The following BIRC6 variants were observed in gnomAD, a reference collection of about 807,000 sequenced individuals.
BIRC6 encodes baculoviral IAP repeat containing 6.
A neutral mutation model predicts 503.3 loss-of-function variants in BIRC6; 98 were observed. The ratio of observed to expected loss-of-function variants is 0.19; its 90% CI spans 0.17 to 0.23. The LOEUF is 0.23. Among genes scored for constraint, BIRC6 ranks in the 10% least tolerant of loss-of-function variants. The probability of loss-of-function intolerance (pLI) is 1.00; values close to 1 mark genes in which losing one functional copy is unlikely to be tolerated. For synonymous variants in BIRC6, 2,240 were observed against 2,078.7 expected, an observed-to-expected ratio of 1.08 and a Z score of -2.11; for missense variants, 5,360 against 5,806.0, an observed-to-expected ratio of 0.92 and a Z score of 2.50.
chr2:32,617,989 T>G lies in BIRC6; in HGVS notation c.*85T>G. On this transcript the variant is annotated 3_prime_UTR_variant, in exon 74 of 74. Coordinates refer to ENST00000421745, the MANE Select transcript of BIRC6 (RefSeq NM_016252.4). ...ATATTTGTATGTAAGAAACTAATTA[T>G]GTAATAGGTAATGAAACTGAAACTA... is the stretch of plus-strand genomic sequence containing the variant. 4 of 1,300,632 alleles carry G rather than the reference T, an allele frequency of 3.1e-6. No homozygotes were observed. Among genetic ancestry groups the G allele is most frequent in the Non-Finnish European group, 4.2e-6 (4 of 951,460 alleles). 80.6% of individuals were successfully genotyped at this position (1,300,632 alleles called of 1,614,324 possible).
intron 6 of BIRC6, among the ~76,000 whole-genome samples, chr2:32,400,489 C>T (rs370533470): frequency 1.3e-5 from 2 of 151,840 alleles, no homozygotes; most frequent in African/African-American, 4.8e-5. Context: ...CGGGCGCCCA[C>T]CACCATGCCC....
chr2:32,452,093 G>T (rs1187272074), intron 22 of BIRC6, among the ~76,000 whole-genome samples: 4 of 152,144 alleles, frequency 2.6e-5, no homozygotes. Context: ...ATTACCACTT[G>T]TCAAGTTTTT....
At chr2:32,390,357 A>G (rs953979904) in intron 4 of BIRC6, among the ~76,000 whole-genome samples, 1 of 152,038 alleles carries the variant, frequency 6.6e-6, no homozygotes, top group African/African-American at 2.4e-5. Context: ...TTTTTAGTAC[A>G]GGTGGGGTTT....
intron 62 of BIRC6, among the ~76,000 whole-genome samples, chr2:32,545,307 C>T (rs2057980238): frequency 6.6e-6 from 1 of 152,160 alleles, no homozygotes; most frequent in East Asian, 1.9e-4. Flanking sequence ...TACTTTCTTA[C>T]TGTTGTAAGA....
At chr2:32,372,279 G>T (rs537343412) in intron 1 of BIRC6, among the ~76,000 whole-genome samples, 2 of 152,180 alleles carry the variant, frequency 1.3e-5, no homozygotes, top group East Asian at 3.9e-4. Context: ...ATTCCCTGTG[G>T]TATCACTTTG....
At chr2:32,437,621 T>A (rs958439145) in intron 15 of BIRC6, among the ~76,000 whole-genome samples, 1 of 152,214 alleles carries the variant, frequency 6.6e-6, no homozygotes, top group African/African-American at 2.4e-5. Context: ...GGTTTTGGAA[T>A]ATTTGTGATA....
intron 66 of BIRC6, among the ~76,000 whole-genome samples, chr2:32,588,199 C>T (rs141455266): frequency 1.3e-5 from 2 of 151,960 alleles, no homozygotes; most frequent in African/African-American, 4.8e-5. Flanking sequence ...ACTAAAGATA[C>T]AAAAATCTAG....
Position 32,415,440 on chromosome 2 carries a change from G to A in BIRC6, c.2149G>A (p.Val717Ile), listed in dbSNP as rs747219963. The A allele has an allele frequency of 4.3e-6, 7 of 1,613,974 alleles. No homozygotes were observed. The highest frequency in any genetic ancestry group is 5.9e-6 in the Non-Finnish European group (7 of 1,179,890). Residue 717 changes from valine (V) to isoleucine (I), a missense_variant, in exon 10 of 74, where the codon GTT (valine) becomes ATT (isoleucine). Physicochemically the swap from Val to Ile is conservative, Grantham distance 29. Transcript: ENST00000421745. ...TGTGTTTCCCAAGCCTGGGACTTTG[G>A]TTCAGTGCTTGAGGCTGCCAAAGTT... Reference protein sequence around the residue: ...NSVFPKPGTLVQCLRLPKFAE... With the variant: ...NSVFPKPGTLIQCLRLPKFAE...
At chr2:32,370,468 G>C (rs1195384655) in intron 1 of BIRC6, among the ~76,000 whole-genome samples, 1 of 152,094 alleles carries the variant, frequency 6.6e-6, no homozygotes, top group South Asian at 2.1e-4. Flanking sequence ...TCCCTGCATT[G>C]TGTTTTATGT....
At chr2:32,502,169 A>G (rs1302127766) in intron 47 of BIRC6, among the ~76,000 whole-genome samples, 1 of 152,156 alleles carries the variant, frequency 6.6e-6, no homozygotes, top group Non-Finnish European at 1.5e-5. Flanking sequence ...TCTTTTTCCT[A>G]AAAGTAGCAT....
chr2:32,448,729 AGTAAAG>A (rs1406323982), intron 21 of BIRC6, 60 bp from the exon 22 acceptor site: 12 of 1,498,164 alleles, frequency 8.0e-6, no homozygotes, highest in Non-Finnish European at 1.1e-5. Context: ...TTTAAAACTA[AGTAAAG>A]GTAATTTGTT....
chr2:32,447,785 T>G (rs113800007), intron 21 of BIRC6, among the ~76,000 whole-genome samples: 62 of 82 alleles, frequency 0.76, 23 homozygotes, highest in Non-Finnish European at 0.75. Flanking sequence ...CGGCCGGGCA[T>G]AGGAGCCCCT....
At position 32,487,820 on chromosome 2, in the gene BIRC6, T is replaced by C; in HGVS notation, c.7968+19T>C. 2 of 1,589,624 alleles carry C rather than the reference T, an allele frequency of 1.3e-6. No homozygotes were observed. Among genetic ancestry groups the C allele is most frequent in the Non-Finnish European group, 1.7e-6 (2 of 1,159,900 alleles). On this transcript the variant is annotated intron_variant, in intron 41 of 73. Transcript: ENST00000421745. ...TGTTCAGGTATGACTTCAGGAGAAA[T>C]GGTGTATTTTTACATATTATTGTTA...
chr2:32,385,460 T>G (rs1274941891), intron 3 of BIRC6, among the ~76,000 whole-genome samples: 1 of 152,242 alleles, frequency 6.6e-6, no homozygotes, highest in African/African-American at 2.4e-5. Context: ...TCTGAATTTG[T>G]AGACATTAGT....
intron 35 of BIRC6, 33 bp from the exon 36 acceptor site, chr2:32,478,602 T>C: frequency 6.3e-7 from 1 of 1,575,002 alleles, no homozygotes; most frequent in Non-Finnish European, 8.7e-7. Flanking sequence ...GTAATTGCTA[T>C]TTAAGTGTAT....
rs978608544 is a variant in BIRC6, at chr2:32,400,214, GAAATAA to G, written c.1035-947_1035-942del. On this transcript the variant is annotated intron_variant, in intron 6 of 73. Coordinates refer to ENST00000421745, the MANE Select transcript of BIRC6 (RefSeq NM_016252.4). ...AACTTTACATTCCTAAGGCTCTTAGGAAATAAATTTTATTTAAAAGTTATTTGTCTG... is the reference window on the plus strand; with the variant it reads ...AACTTTACATTCCTAAGGCTCTTAGGATTTTATTTAAAAGTTATTTGTCTG... Among the ~76,000 whole-genome samples the G allele has an allele frequency of 3.6e-4, 54 of 151,876 alleles. 1 individual carries two copies. Among genetic ancestry groups the G allele is most frequent in the African/African-American group, 1.3e-3 (52 of 41,350 alleles).
At chr2:32,591,988 G>A (rs76837456) in intron 66 of BIRC6, among the ~76,000 whole-genome samples, 6,133 of 152,238 alleles carry the variant, frequency 0.04, 183 homozygotes, top group African/African-American at 0.093. Flanking sequence ...CCAGAATCAT[G>A]TCTTTATTAA....
At chr2:32,361,009 C>A (rs370985882) in intron 1 of BIRC6, among the ~76,000 whole-genome samples, 1 of 152,174 alleles carries the variant, frequency 6.6e-6, no homozygotes, top group South Asian at 2.1e-4. Flanking sequence ...TAGCCTCTGC[C>A]TCCTTGGCTC....
At chr2:32,579,362 G>T (rs1232999795) in intron 66 of BIRC6, among the ~76,000 whole-genome samples, 1 of 151,882 alleles carries the variant, frequency 6.6e-6, no homozygotes, top group African/African-American at 2.4e-5. Flanking sequence ...GATTCCATAG[G>T]TTTGTGCGCC....
Sources: allele counts gnomAD v4.1 joint callset (sites outside exome capture counted in the v4.1 genomes callset), GRCh38; gene constraint gnomAD v4.1.1; transcripts MANE v1.5; gene names NCBI Gene and HGNC (gene_info 2026-07-23, HGNC 2026-07-21).